Variants in CATSPERB observed in about 807,000 individuals in gnomAD.
The protein encoded by CATSPERB is catsper channel auxiliary subunit beta.
In CATSPERB, 93 loss-of-function variants were observed where a neutral mutation model predicts 128.3. The observed-to-expected ratio is 0.72, with a 90% CI of 0.61 to 0.86. The LOEUF (loss-of-function observed/expected upper bound fraction) is 0.86, where lower values mean the gene tolerates loss of function less well. Among genes scored for constraint, CATSPERB ranks in the 40% least tolerant of loss-of-function variants. The pLI, the probability that CATSPERB is intolerant of heterozygous loss-of-function variation, is 0.00. For missense variants in CATSPERB, 1,153 were observed against 1,329.5 expected (o/e 0.87, Z 2.06); for synonymous variants, 381 against 448.8 (o/e 0.85, Z 1.91).
At chr14:91,648,242 A>G (rs1029093875) in intron 15 of CATSPERB, among the ~76,000 whole-genome samples, 2 of 152,138 alleles carry the variant, frequency 1.3e-5, no homozygotes, top group Non-Finnish European at 2.9e-5. Context: ...TATATTCCCC[A>G]TATGATCTTT....
chr14:91,729,838 C>G (rs1185055736), intron 1 of CATSPERB, among the ~76,000 whole-genome samples: 2 of 152,162 alleles, frequency 1.3e-5, no homozygotes, highest in African/African-American at 4.8e-5. Flanking sequence ...AATATTTTGA[C>G]AACGTTGCTT....
In CATSPERB at chr14:91,667,045, C is replaced by T. The variant is rs1256278894; in HGVS notation, c.1287+2769G>A. Among the ~76,000 whole-genome samples, 5 of 152,210 alleles carry T rather than the reference C, an allele frequency of 3.3e-5. No individual in the cohort carries two copies. In the East Asian group the frequency reaches 7.7e-4, roughly 23 times the overall value. ...CTGTACTTGAAAGTAAGCCTCTTCCCCCAGGGGCCAGCGCCCAGTTAGCAG... is the reference window on the plus strand; with the variant it reads ...CTGTACTTGAAAGTAAGCCTCTTCCTCCAGGGGCCAGCGCCCAGTTAGCAG... On this transcript the variant is annotated intron_variant, in intron 14 of 26. Transcript: ENST00000256343.
rs746356829 is a variant in CATSPERB, at chr14:91,621,654, C to G, written c.2214G>C (p.Leu738=). The G allele has an allele frequency of 6.2e-7, 1 of 1,612,116 alleles. No homozygotes were observed. Among genetic ancestry groups the G allele is most frequent in the Non-Finnish European group, 8.5e-7 (1 of 1,178,804 alleles). The stretch of plus-strand genomic sequence containing the variant: ...TAGCTTTTAAAACATAAGAGTTTCC[C>G]AGATCAATGTATTTCACGATGTTGA... ...PSLNIVKYID[L]GNSYVLKAKV... Residue 738 remains leucine (L), a synonymous_variant, in exon 19 of 27, where the codon CTG becomes CTC. Transcript: ENST00000256343.
Position 91,636,493 on chromosome 14 carries a change from G to C in CATSPERB, c.1674C>G (p.Asn558Lys). ...TGCTGTAGATCGTTTCCTGGGGTTC[G>C]TTCTCAGGTACATATGCAAAAAAGA... is the stretch of plus-strand genomic sequence containing the variant. ...EIIFFAYVPENEPQETIYSKK... is the reference protein window; with the variant it reads ...EIIFFAYVPEKEPQETIYSKK... The change falls in exon 17 of 27, where the codon AAC (asparagine) becomes AAG (lysine). Residue 558 changes from asparagine to lysine, a missense_variant. Physicochemically the swap from Asn to Lys is moderately conservative, Grantham distance 94. Transcript: ENST00000256343. The C allele has an allele frequency of 6.2e-7, 1 of 1,613,936 alleles. No individual in the cohort carries two copies. The highest frequency in any genetic ancestry group is 8.5e-7 in the Non-Finnish European group (1 of 1,179,952).
At chr14:91,661,548 T>TATATATATATATATATATATATATATATC (rs1566722229) in intron 14 of CATSPERB, among the ~76,000 whole-genome samples, 1 of 146,880 alleles carries the variant, frequency 6.8e-6, no homozygotes, top group African/African-American at 2.5e-5. Context: ...TATATATATA[T>TATATATATATATATATATATATATATATC]TTAAGACAGG....
intron 22 of CATSPERB, among the ~76,000 whole-genome samples, chr14:91,606,852 C>T (rs1023981891): frequency 2.8e-5 from 4 of 142,842 alleles, no homozygotes; most frequent in African/African-American, 5.2e-5. Flanking sequence ...ACATACATTC[C>T]CTATTTAACT....
intron 16 of CATSPERB, among the ~76,000 whole-genome samples, chr14:91,637,077 C>T (rs1288361251): frequency 2.0e-5 from 3 of 152,184 alleles, no homozygotes; most frequent in African/African-American, 7.2e-5. Flanking sequence ...TGCAGTCTAC[C>T]CAGGCACTTC....
At chr14:91,593,073 G>T (rs919332201) in intron 22 of CATSPERB, among the ~76,000 whole-genome samples, 1 of 152,232 alleles carries the variant, frequency 6.6e-6, no homozygotes, top group East Asian at 1.9e-4. Context: ...GAGCCTGTGG[G>T]TGCACAGAAG....
chr14:91,622,930 T>C (rs1894080844), intron 18 of CATSPERB, among the ~76,000 whole-genome samples: 1 of 150,536 alleles, frequency 6.6e-6, no homozygotes, highest in Non-Finnish European at 1.5e-5. Flanking sequence ...GTTTCGCTCT[T>C]GTCACCCAGG....
intron 20 of CATSPERB, among the ~76,000 whole-genome samples, chr14:91,613,500 C>T (rs1893872688): frequency 1.3e-5 from 2 of 152,118 alleles, no homozygotes; most frequent in African/African-American, 4.8e-5. Context: ...TTCTGGGTGC[C>T]AGGCAATGTT....
rs374475712 is a variant in CATSPERB at position 91,669,828 on chromosome 14, C to A, written c.1273G>T (p.Ala425Ser). ...TGTGTACGCACCTGATTGCCATAAG[C>A]ATACAAAAAGTGGCTTCGGGGATGA... Reference protein sequence around the residue: ...VFHPRSHFLYAYGNQIWLSVD... With the variant: ...VFHPRSHFLYSYGNQIWLSVD... The change falls in exon 14 of 27, where the codon GCT becomes TCT. Residue 425 changes from alanine (A) to serine (S), a missense_variant. Ala to Ser is a moderately conservative substitution (Grantham distance 99). Transcript: ENST00000256343. 61 of 1,612,216 alleles carry A rather than the reference C, an allele frequency of 3.8e-5. No homozygotes were observed. Among genetic ancestry groups the A allele is most frequent in the Non-Finnish European group, 5.1e-5 (60 of 1,179,434 alleles).
At position 91,587,214 on chromosome 14, in the gene CATSPERB, A is replaced by G. The variant is rs766883466; in HGVS notation, c.3120T>C (p.Ile1040=). The part of the protein sequence containing the change: ...VISGVTFCNL[I]EEFQIYVDEA... The stretch of plus-strand genomic sequence containing the variant: ...GCATCCATTTTACCTGAAATTCTTC[A>G]ATTAAGTTACAAAAAGTTACTCCTG... The change falls in exon 26 of 27, where the codon ATT becomes ATC. Residue 1040 remains isoleucine (I), a synonymous_variant. Coordinates refer to ENST00000256343, the MANE Select transcript of CATSPERB (RefSeq NM_024764.4). 1.7e-5 allele frequency: 27 copies of G among 1,602,096 alleles called. No individual in the cohort carries two copies. The highest frequency in any genetic ancestry group is 1.8e-5 in the Non-Finnish European group (21 of 1,175,108).
chr14:91,663,752 G>C (rs1270882003), intron 14 of CATSPERB, among the ~76,000 whole-genome samples: 1 of 151,420 alleles, frequency 6.6e-6, no homozygotes, highest in African/African-American at 2.4e-5. Flanking sequence ...TCTAACTATT[G>C]GTTATTTTAT....
intron 13 of CATSPERB, among the ~76,000 whole-genome samples, chr14:91,672,263 T>C (rs1895109833): frequency 6.6e-6 from 1 of 152,208 alleles, no homozygotes; most frequent in African/African-American, 2.4e-5. Context: ...ATGGTTTTAT[T>C]TGTTTGTTTG....
At chr14:91,585,623 C>A (rs1640162984) in intron 26 of CATSPERB, among the ~76,000 whole-genome samples, 1 of 152,138 alleles carries the variant, frequency 6.6e-6, no homozygotes, top group African/African-American at 2.4e-5. Context: ...TTTACCTGTA[C>A]TGCATGGAGC....
At chr14:91,631,776 C>A (rs1205728376) in intron 17 of CATSPERB, among the ~76,000 whole-genome samples, 1 of 152,012 alleles carries the variant, frequency 6.6e-6, no homozygotes, top group Non-Finnish European at 1.5e-5. Flanking sequence ...ACCGAGGGAC[C>A]AGAATTGGAC....
chr14:91,597,803 C>T (rs988984401), intron 22 of CATSPERB, among the ~76,000 whole-genome samples: 4 of 152,138 alleles, frequency 2.6e-5, no homozygotes, highest in Non-Finnish European at 4.4e-5. Flanking sequence ...TAAGATTTAG[C>T]AGGACTTGGT....
chr14:91,671,453 T>A (rs1488919723), intron 13 of CATSPERB, among the ~76,000 whole-genome samples: 1 of 151,894 alleles, frequency 6.6e-6, no homozygotes, highest in Non-Finnish European at 1.5e-5. Flanking sequence ...TGGGCACCTG[T>A]AATCCCAGCT....
chr14:91,694,157 T>C (rs1442502240), intron 7 of CATSPERB, among the ~76,000 whole-genome samples: 1 of 152,172 alleles, frequency 6.6e-6, no homozygotes, highest in African/African-American at 2.4e-5. Flanking sequence ...GTTACTCTGT[T>C]ATTTGGGCTG....
Sources: gnomAD v4.1 joint callset for allele counts (sites outside exome capture counted in the v4.1 genomes callset) on GRCh38, gnomAD v4.1.1 for gene constraint, MANE v1.5 for transcripts, NCBI Gene and HGNC (gene_info 2026-07-23, HGNC 2026-07-21) for gene names.